Variants in ADAMTS6 observed in about 807,000 individuals in gnomAD.
ADAMTS6 encodes the protein ADAM metallopeptidase with thrombospondin type 1 motif 6.
A neutral mutation model predicts 144.3 loss-of-function variants in ADAMTS6; 23 were observed. That is an observed-to-expected ratio of 0.16 (90% CI 0.11 to 0.23). The LOEUF is 0.23. Among genes scored for constraint, ADAMTS6 ranks in the 10% least tolerant of loss-of-function variants. ADAMTS6 has a pLI of 1.00. For missense variants in ADAMTS6, 999 were observed against 1,379.6 expected (o/e 0.72, Z 4.37); for synonymous variants, 444 against 457.5 (o/e 0.97, Z 0.38).
intron 9 of ADAMTS6, among the ~76,000 whole-genome samples, chr5:65,303,488 C>T (rs1277805215): frequency 6.6e-6 from 1 of 151,930 alleles, no homozygotes; most frequent in Non-Finnish European, 1.5e-5. Flanking sequence ...ATATATTCTT[C>T]CAATCAGTCA....
At chr5:65,294,942 A>G (rs1742689800) in intron 10 of ADAMTS6, among the ~76,000 whole-genome samples, 1 of 151,906 alleles carries the variant, frequency 6.6e-6, no homozygotes, top group East Asian at 1.9e-4. Flanking sequence ...TTGAGACTTT[A>G]TATAAAAGTA....
At chr5:65,167,011 A>C (rs1425336231) in intron 24 of ADAMTS6, among the ~76,000 whole-genome samples, 1 of 147,632 alleles carries the variant, frequency 6.8e-6, no homozygotes, top group African/African-American at 2.5e-5. Flanking sequence ...AAGCTAGCAG[A>C]AGGCATGAAA....
intron 7 of ADAMTS6, among the ~76,000 whole-genome samples, chr5:65,431,393 TC>T (rs1312864864): frequency 6.6e-6 from 1 of 152,148 alleles, no homozygotes; most frequent in African/African-American, 2.4e-5. Context: ...GTAGGCAGAA[TC>T]CCCTAAATAC....
intron 7 of ADAMTS6, among the ~76,000 whole-genome samples, chr5:65,364,508 C>G (rs1338770520): frequency 6.6e-6 from 1 of 151,216 alleles, no homozygotes; most frequent in Non-Finnish European, 1.5e-5. Context: ...ATCAGTAAAG[C>G]TTTCCTGCTG....
chr5:65,386,270 T>C (rs1580564677), intron 7 of ADAMTS6, among the ~76,000 whole-genome samples: 1 of 152,354 alleles, frequency 6.6e-6, no homozygotes, highest in East Asian at 1.9e-4. Context: ...TGAGTACATC[T>C]ATCCTATTTT....
At chr5:65,334,494 A>C (rs1178853112) in intron 7 of ADAMTS6, among the ~76,000 whole-genome samples, 2 of 152,178 alleles carry the variant, frequency 1.3e-5, no homozygotes, top group Non-Finnish European at 2.9e-5. Flanking sequence ...CACAGACTGC[A>C]TTTTATACTT....
At chr5:65,444,184 G>A (rs2150237068) in intron 7 of ADAMTS6, among the ~76,000 whole-genome samples, 1 of 152,252 alleles carries the variant, frequency 6.6e-6, no homozygotes, top group East Asian at 1.9e-4. Flanking sequence ...CTGAGGTCAG[G>A]AGTTCAAGAC....
At chr5:65,335,823 T>C (rs2150067902) in intron 7 of ADAMTS6, among the ~76,000 whole-genome samples, 1 of 152,182 alleles carries the variant, frequency 6.6e-6, no homozygotes, top group South Asian at 2.1e-4. Flanking sequence ...ATTATTGCCA[T>C]AACCTACTTA....
Position 65,166,107 on chromosome 5 carries a change from A to C in ADAMTS6, c.3244+4510T>G, listed in dbSNP as rs1240879996. ...CTGGCAAGTTGGATAAAGAGTCAAGACCCATCAGTGTGCTGTATTCAGGAA... is the reference window on the plus strand; with the variant it reads ...CTGGCAAGTTGGATAAAGAGTCAAGCCCCATCAGTGTGCTGTATTCAGGAA... On this transcript the variant is annotated intron_variant, in intron 24 of 24. Coordinates refer to ENST00000381055, the MANE Select transcript of ADAMTS6 (RefSeq NM_197941.4). Among the ~76,000 whole-genome samples, 15 of 141,394 alleles carry C rather than the reference A, an allele frequency of 1.1e-4. 1 individual carries two copies. 92.8% of individuals were successfully genotyped at this position (141,394 alleles called of 152,430 possible). A position where few individuals can be genotyped will look rare whatever the true frequency, so the allele number is the denominator to read the frequency against.
In ADAMTS6 at chr5:65,242,901, GT is replaced by G. The variant is rs200117182; in HGVS notation, c.1831-696del. ...TAAGAGGGTGAAAAAAGGATTATCT[GT>G]TTTTAAAAGTTGGAAATGTTCCTTC... is the stretch of plus-strand genomic sequence containing the variant. On this transcript the variant is annotated intron_variant, in intron 14 of 24. Coordinates refer to ENST00000381055, the MANE Select transcript of ADAMTS6 (RefSeq NM_197941.4). Among the ~76,000 whole-genome samples, 855 of 152,138 alleles carry G rather than the reference GT, an allele frequency of 5.6e-3. 13 individuals carry two copies. The highest frequency in any genetic ancestry group is 0.018 in the African/African-American group (761 of 41,542).
At chr5:65,262,656 G>T in intron 13 of ADAMTS6, 161 bp downstream of exon 13, 2 of 682,508 alleles carry the variant, frequency 2.9e-6, no homozygotes, top group Non-Finnish European at 4.3e-6. Flanking sequence ...AAGAAAGTCT[G>T]TCTAACAAAG....
chr5:65,219,473 T>A (rs541152991), intron 18 of ADAMTS6, among the ~76,000 whole-genome samples: 1 of 152,308 alleles, frequency 6.6e-6, no homozygotes, highest in Non-Finnish European at 1.5e-5. Context: ...CAGACGTACC[T>A]ACATATGAAA....
chr5:65,152,998 T>C (rs1347957686), intron 24 of ADAMTS6, among the ~76,000 whole-genome samples: 2 of 152,214 alleles, frequency 1.3e-5, no homozygotes, highest in East Asian at 3.8e-4. Context: ...ATGTTCAGTG[T>C]TACAGACAGT....
chr5:65,471,310 TA>T (rs1373061976), intron 2 of ADAMTS6, among the ~76,000 whole-genome samples, 168 bp from the exon 3 acceptor site: 1 of 152,122 alleles, frequency 6.6e-6, no homozygotes, highest in African/African-American at 2.4e-5. Flanking sequence ...AATGAAAGAA[TA>T]AAAGTTTAAA....
At chr5:65,162,338 C>G (rs1327650767) in intron 24 of ADAMTS6, among the ~76,000 whole-genome samples, 1 of 152,168 alleles carries the variant, frequency 6.6e-6, no homozygotes, top group African/African-American at 2.4e-5. Flanking sequence ...TAGGCTTAAT[C>G]TATTGAATTA....
At chr5:65,245,771 T>TGC (rs1280429893) in intron 14 of ADAMTS6, among the ~76,000 whole-genome samples, 72 of 152,298 alleles carry the variant, frequency 4.7e-4, no homozygotes, top group African/African-American at 1.5e-3. Context: ...CTGTTGCAAC[T>TGC]ACTCAACTGT....
At chr5:65,397,875 T>C (rs1753488175) in intron 7 of ADAMTS6, among the ~76,000 whole-genome samples, 1 of 94,658 alleles carries the variant, frequency 1.1e-5, no homozygotes, top group Non-Finnish European at 2.4e-5. Flanking sequence ...AGACCCTGTC[T>C]TAAAAAAAAA....
At chr5:65,367,973 T>A (rs1264183158) in intron 7 of ADAMTS6, among the ~76,000 whole-genome samples, 1 of 151,996 alleles carries the variant, frequency 6.6e-6, no homozygotes, top group African/African-American at 2.4e-5. Flanking sequence ...TACAAAAAAA[T>A]TATCTTTTTT....
chr5:65,380,403 C>T (rs1751945376), intron 7 of ADAMTS6, among the ~76,000 whole-genome samples: 1 of 151,900 alleles, frequency 6.6e-6, no homozygotes, highest in South Asian at 2.1e-4. Context: ...AAAACTCCAT[C>T]TCTACTAAAA....
Sources: allele counts gnomAD v4.1 joint callset (sites outside exome capture counted in the v4.1 genomes callset), GRCh38; gene constraint gnomAD v4.1.1; transcripts MANE v1.5; gene names NCBI Gene and HGNC (gene_info 2026-07-23, HGNC 2026-07-21).